The following KAT6B variants were observed in gnomAD, a reference collection of about 807,000 sequenced individuals.
The protein encoded by KAT6B is histone acetyltransferase KAT6B.
In KAT6B, 10 loss-of-function variants were observed where a neutral mutation model predicts 187.5. That is an observed-to-expected ratio of 0.05 (90% CI 0.03 to 0.09). KAT6B has a LOEUF of 0.09. Among genes scored for constraint, KAT6B ranks in the 10% least tolerant of loss-of-function variants. The pLI, the probability that KAT6B is intolerant of heterozygous loss-of-function variation, is 1.00. For synonymous variants in KAT6B, 861 were observed against 926.8 expected, an observed-to-expected ratio of 0.93 and a Z score of 1.29; for missense variants, 1,952 against 2,558.9, an observed-to-expected ratio of 0.76 and a Z score of 5.12.
At chr10:75,023,959 TG>T (rs943499528) in intron 16 of KAT6B, among the ~76,000 whole-genome samples, 1 of 152,260 alleles carries the variant, frequency 6.6e-6, no homozygotes, top group African/African-American at 2.4e-5. Context: ...TTCAATAATT[TG>T]GGGGGCAACA....
At chr10:74,859,485 GTATAT>G (rs1023758812) in intron 3 of KAT6B, among the ~76,000 whole-genome samples, 4 of 152,192 alleles carry the variant, frequency 2.6e-5, no homozygotes, top group African/African-American at 9.7e-5. Flanking sequence ...GCAGATGGAT[GTATAT>G]TATATTCTTT....
intron 12 of KAT6B, among the ~76,000 whole-genome samples, chr10:74,985,509 TCA>T (rs1442204975): frequency 1.3e-5 from 2 of 152,228 alleles, no homozygotes; most frequent in Non-Finnish European, 2.9e-5. Context: ...TTTGATTTTC[TCA>T]GTGTTTAGCT....
chr10:74,974,692 ACT>A (rs893769125), intron 7 of KAT6B, among the ~76,000 whole-genome samples: 5 of 151,766 alleles, frequency 3.3e-5, no homozygotes, highest in Admixed American at 6.6e-5. Flanking sequence ...TCTTCACCAG[ACT>A]CTCCATGTCA....
chr10:75,030,664 C>A lies in KAT6B; in HGVS notation c.5840C>A (p.Ser1947Tyr), dbSNP rs966392589. The change falls in exon 18 of 18, where the codon TCC becomes TAC. Residue 1947 changes from serine to tyrosine, a missense_variant. Physicochemically the swap from Ser to Tyr is moderately radical, Grantham distance 144. This residue lies in a region of KAT6B where 358 missense variants were observed against 436.3 expected (regional missense o/e 0.82). Coordinates refer to ENST00000287239, the MANE Select transcript of KAT6B (RefSeq NM_012330.4). The surrounding 1 kb of genome is among the most constrained non-coding windows in gnomAD (Gnocchi z 4.8). The part of the protein sequence containing the change: ...ATHQSQIYGR[S>Y]QTVAMQGPAR... ...CATCAGTCACAAATCTATGGGCGCT[C>A]CCAGACTGTAGCCATGCAGGGTCCT... is the stretch of plus-strand genomic sequence containing the variant. The A allele has an allele frequency of 6.2e-7, 1 of 1,614,248 alleles. No homozygotes were observed. The highest frequency in any genetic ancestry group is 8.5e-7 in the Non-Finnish European group (1 of 1,180,044).
intron 3 of KAT6B, among the ~76,000 whole-genome samples, chr10:74,924,014 G>A (rs1040833527): frequency 4.6e-5 from 7 of 152,066 alleles, no homozygotes; most frequent in South Asian, 2.1e-4. Context: ...AGTAGAGCCC[G>A]CAGAATTTGT....
At chr10:74,976,552 T>A in intron 8 of KAT6B, 1 of 601,110 alleles carries the variant, frequency 1.7e-6, no homozygotes, top group South Asian at 1.9e-5. Context: ...CCACCTTTTA[T>A]TATTTATTTC....
chr10:74,880,915 C>T (rs1291545691), intron 3 of KAT6B, among the ~76,000 whole-genome samples: 1 of 146,688 alleles, frequency 6.8e-6, no homozygotes, highest in African/African-American at 2.7e-5. Context: ...TGTTCCTGGC[C>T]TTATCTTACT....
intron 3 of KAT6B, among the ~76,000 whole-genome samples, chr10:74,892,443 G>A (rs1039390494): frequency 2.6e-5 from 4 of 152,130 alleles, no homozygotes; most frequent in African/African-American, 9.7e-5. Context: ...GATAGTCCTG[G>A]TTGCACACAT....
intron 3 of KAT6B, among the ~76,000 whole-genome samples, chr10:74,898,673 C>A (rs922124774): frequency 1.3e-5 from 2 of 152,150 alleles, no homozygotes; most frequent in African/African-American, 4.8e-5. Context: ...GAAAGAACTT[C>A]CACTTGGGTG....
chr10:74,988,995 T>C, intron 12 of KAT6B, 24 bp from the exon 13 acceptor site: 7 of 1,537,756 alleles, frequency 4.6e-6, no homozygotes, highest in Non-Finnish European at 6.3e-6. Context: ...TCTGACATAC[T>C]TGATCTGTTT....
chr10:74,955,150 C>T (rs995587418), intron 3 of KAT6B, among the ~76,000 whole-genome samples: 13 of 152,232 alleles, frequency 8.5e-5, no homozygotes, highest in Admixed American at 2.6e-4. Flanking sequence ...TTCTAGATTA[C>T]TTACAATAAC....
intron 1 of KAT6B, among the ~76,000 whole-genome samples, chr10:74,828,628 C>T (rs1290480802): frequency 7.5e-6 from 1 of 133,910 alleles, no homozygotes; most frequent in African/African-American, 2.9e-5. Context: ...AGTGCAGTGG[C>T]GCCATCTCGG....
chr10:74,893,130 C>G (rs568387341), intron 3 of KAT6B, among the ~76,000 whole-genome samples: 1 of 152,330 alleles, frequency 6.6e-6, no homozygotes, highest in African/African-American at 2.4e-5. Context: ...AAAGGGCACC[C>G]GTTGCCTGCA....
chr10:74,946,777 A>G (rs1239499402), intron 3 of KAT6B, among the ~76,000 whole-genome samples: 2 of 152,168 alleles, frequency 1.3e-5, no homozygotes, highest in East Asian at 3.8e-4. Context: ...TTTCTGGGTT[A>G]TGGAGTGGTC....
intron 3 of KAT6B, among the ~76,000 whole-genome samples, chr10:74,914,038 T>A (rs144702388): frequency 6.6e-6 from 1 of 151,990 alleles, no homozygotes; most frequent in East Asian, 1.9e-4. Flanking sequence ...TACAAAAAAT[T>A]AGCCGGGCGT....
intron 3 of KAT6B, among the ~76,000 whole-genome samples, chr10:74,849,960 A>G (rs558252595): frequency 2.3e-4 from 34 of 147,814 alleles, no homozygotes; most frequent in African/African-American, 8.3e-4. Flanking sequence ...TTTTTTTGAG[A>G]CAGAGTCTCG....
chr10:74,906,499 T>A (rs1846766749), intron 3 of KAT6B, among the ~76,000 whole-genome samples: 2 of 152,216 alleles, frequency 1.3e-5, no homozygotes, highest in South Asian at 4.1e-4. Context: ...TCTGGTGGAT[T>A]TGGTTGGTTC....
chr10:74,957,415 T>C (rs775137316), intron 3 of KAT6B, among the ~76,000 whole-genome samples: 4 of 152,308 alleles, frequency 2.6e-5, no homozygotes, highest in Admixed American at 2.6e-4. Flanking sequence ...CATCTATGCT[T>C]TCTATTATTG....
chr10:74,849,434 A>G (rs544897073), intron 3 of KAT6B, among the ~76,000 whole-genome samples: 1 of 151,950 alleles, frequency 6.6e-6, no homozygotes, highest in Non-Finnish European at 1.5e-5. Flanking sequence ...CTGGGATTAC[A>G]GGCACGCACC....
Sources: allele counts gnomAD v4.1 joint callset (sites outside exome capture counted in the v4.1 genomes callset), GRCh38; gene constraint gnomAD v4.1.1; regional missense constraint gnomAD v4.1.1; non-coding constraint Gnocchi (gnomAD v3.1); transcripts MANE v1.5; gene names NCBI Gene and HGNC (gene_info 2026-07-23, HGNC 2026-07-21).